RAB31: variants seen among roughly 807,000 people sequenced by gnomAD.
The protein encoded by RAB31 is ras-related protein Rab-31.
Under a neutral mutation model 25.6 loss-of-function variants are expected in RAB31, and 21 were observed. The observed-to-expected ratio is 0.82, with a 90% CI of 0.58 to 1.18. The LOEUF is 1.18. RAB31 is among the 50% of genes most tolerant of loss of function. RAB31 has a pLI of 0.00. For missense variants in RAB31, 196 were observed against 250.1 expected, an observed-to-expected ratio of 0.78 and a Z score of 1.46; for synonymous variants, 87 against 84.0, an observed-to-expected ratio of 1.04 and a Z score of -0.20.
intron 5 of RAB31, among the ~76,000 whole-genome samples, chr18:9,821,690 T>G (rs931053858): frequency 6.6e-6 from 1 of 152,088 alleles, no homozygotes; most frequent in Non-Finnish European, 1.5e-5. Flanking sequence ...AACTGAAATT[T>G]AAAACACGAT....
At chr18:9,839,237 C>A (rs978601357) in intron 5 of RAB31, among the ~76,000 whole-genome samples, 2 of 152,128 alleles carry the variant, frequency 1.3e-5, no homozygotes, top group African/African-American at 4.8e-5. Context: ...GCCACCTGAA[C>A]AGGGAGAAGT....
chr18:9,849,690 G>C (rs917394035), intron 6 of RAB31: 1 of 152,326 alleles, frequency 6.6e-6, no homozygotes, highest in Non-Finnish European at 1.5e-5. Flanking sequence ...CTTTAGATTG[G>C]GTGAGGAAGG....
At position 9,708,501 on chromosome 18, in the gene RAB31, G is replaced by A; in HGVS notation, c.39+57G>A. On this transcript the variant is annotated intron_variant, in intron 1 of 6. Coordinates refer to ENST00000578921, the MANE Select transcript of RAB31 (RefSeq NM_006868.4). The surrounding 1 kb of genome is among the most constrained non-coding windows in gnomAD (Gnocchi z 6.4). The stretch of plus-strand genomic sequence containing the variant: ...CCGGCCCGCGCTCTCGCGCCCCTTC[G>A]CTCCCCTATTCCCTGCGCGCTCAGT... 6.8e-7 allele frequency: 1 copy of A among 1,461,926 alleles called. No individual in the cohort carries two copies. The highest frequency in any genetic ancestry group is 2.7e-5 in the East Asian group (1 of 37,418). The allele number at this position is 1,461,926 out of a possible 1,614,324, so 90.6% of individuals were successfully genotyped here.
chr18:9,781,340 C>T lies in RAB31; in HGVS notation c.119+5983C>T, dbSNP rs574274715. 6.6e-5 allele frequency among the ~76,000 whole-genome samples: 10 copies of T among 152,144 alleles called. No individual in the cohort carries two copies. In the East Asian group the frequency reaches 1.9e-3, roughly 29 times the overall value. On this transcript the variant is annotated intron_variant, in intron 2 of 6. Coordinates refer to ENST00000578921, the MANE Select transcript of RAB31 (RefSeq NM_006868.4). ...CTTTTTTCTTTTTTTTTATTTGAGA[C>T]AGAGTCTTCTCTGTTGCCCATGCTG... is the stretch of plus-strand genomic sequence containing the variant.
chr18:9,837,183 G>A (rs553932736), intron 5 of RAB31, among the ~76,000 whole-genome samples: 2 of 152,220 alleles, frequency 1.3e-5, no homozygotes, highest in African/African-American at 4.8e-5. Flanking sequence ...GAAAACATGA[G>A]AAGTGTCAGT....
intron 3 of RAB31, among the ~76,000 whole-genome samples, chr18:9,804,577 C>T (rs1177042520): frequency 6.6e-6 from 1 of 152,172 alleles, no homozygotes; most frequent in Non-Finnish European, 1.5e-5. Context: ...CTCTTCTTTT[C>T]TTTTATGGAG....
intron 1 of RAB31, among the ~76,000 whole-genome samples, chr18:9,771,679 GC>G (rs959259852): frequency 4.0e-4 from 61 of 152,240 alleles, no homozygotes; most frequent in Non-Finnish European, 1.5e-4. Context: ...CTGGTGGCCA[GC>G]CGAGGAACAG....
At chr18:9,800,479 A>T (rs1219338811) in intron 3 of RAB31, among the ~76,000 whole-genome samples, 1 of 152,102 alleles carries the variant, frequency 6.6e-6, no homozygotes, top group Non-Finnish European at 1.5e-5. Flanking sequence ...GCCCCTCCCC[A>T]TGTTGGAAAA....
intron 5 of RAB31, 93 bp from the exon 6 acceptor site, chr18:9,845,489 G>T (rs1300193569): frequency 9.5e-7 from 1 of 1,051,712 alleles, no homozygotes; most frequent in East Asian, 2.9e-5. Context: ...GAAGATAAAG[G>T]AGCTGTTGCC....
chr18:9,857,498 A>G (rs1171631766), intron 6 of RAB31, among the ~76,000 whole-genome samples: 2 of 151,808 alleles, frequency 1.3e-5, no homozygotes, highest in Non-Finnish European at 2.9e-5. Context: ...GCAAATGCCC[A>G]TGTGTGATTT....
intron 3 of RAB31, among the ~76,000 whole-genome samples, chr18:9,807,139 C>T (rs1385457533): frequency 6.6e-6 from 1 of 152,174 alleles, no homozygotes; most frequent in Non-Finnish European, 1.5e-5. Context: ...GCTGGCTAGC[C>T]TGGGTTGGCA....
intron 5 of RAB31, among the ~76,000 whole-genome samples, chr18:9,827,125 T>A (rs1009807547): frequency 6.6e-6 from 1 of 152,136 alleles, no homozygotes; most frequent in African/African-American, 2.4e-5. Flanking sequence ...AATTTGAAAC[T>A]CTTTCAGGCT....
chr18:9,750,143 C>T (rs62078959), intron 1 of RAB31, among the ~76,000 whole-genome samples: 13,556 of 149,290 alleles, frequency 0.091, 773 homozygotes, highest in Non-Finnish European at 0.13. Flanking sequence ...GGTTGTCTAC[C>T]GGGATCTGTG....
chr18:9,804,664 T>C (rs756447148), intron 3 of RAB31, among the ~76,000 whole-genome samples: 2 of 152,194 alleles, frequency 1.3e-5, no homozygotes, highest in Non-Finnish European at 2.9e-5. Flanking sequence ...AATAGGAAAT[T>C]AGCAAATAGA....
chr18:9,844,309 T>C (rs611238), intron 5 of RAB31, among the ~76,000 whole-genome samples: 107,905 of 151,986 alleles, frequency 0.71, 38,418 homozygotes, highest in South Asian at 0.8. Flanking sequence ...CGCCATAACA[T>C]CCCCAGCAGT....
chr18:9,827,425 T>G (rs890710153), intron 5 of RAB31, among the ~76,000 whole-genome samples: 5 of 152,100 alleles, frequency 3.3e-5, no homozygotes, highest in African/African-American at 4.8e-5. Context: ...TCAGAGGTGG[T>G]GGGTAATGAC....
intron 5 of RAB31, among the ~76,000 whole-genome samples, chr18:9,839,847 T>G (rs1344471612): frequency 1.3e-5 from 2 of 152,188 alleles, no homozygotes; most frequent in African/African-American, 2.4e-5. Context: ...TCATCCTGAC[T>G]CAGTGCTTTC....
intron 1 of RAB31, among the ~76,000 whole-genome samples, chr18:9,717,627 C>T (rs756498405): frequency 1.2e-4 from 18 of 152,048 alleles, no homozygotes; most frequent in South Asian, 2.1e-4. Context: ...TATAATGTGT[C>T]GCTCTGGGAG....
intron 5 of RAB31, among the ~76,000 whole-genome samples, chr18:9,828,548 A>G (rs985441852): frequency 2.6e-5 from 4 of 152,226 alleles, no homozygotes; most frequent in South Asian, 2.1e-4. Flanking sequence ...ACCACCAGCC[A>G]TCTCCTCACT....
Sources: gnomAD v4.1 joint callset for allele counts (sites outside exome capture counted in the v4.1 genomes callset) on GRCh38, gnomAD v4.1.1 for gene constraint, Gnocchi (gnomAD v3.1) non-coding constraint, MANE v1.5 for transcripts, NCBI Gene and HGNC (gene_info 2026-07-23, HGNC 2026-07-21) for gene names.